ZNF664: variants seen among roughly 807,000 people sequenced by gnomAD.
ZNF664 encodes the protein zinc finger Organ of Corti 1.
A neutral mutation model predicts 18.2 loss-of-function variants in ZNF664; 10 were observed. The observed-to-expected ratio is 0.55, with a 90% CI of 0.34 to 0.93. The LOEUF is 0.93. ZNF664 is among the 40% of genes least tolerant of loss of function. The probability of loss-of-function intolerance (pLI) is 0.02; values close to 1 mark genes in which losing one functional copy is unlikely to be tolerated. For missense variants in ZNF664, 193 were observed against 319.0 expected, an observed-to-expected ratio of 0.61 and a Z score of 3.01; for synonymous variants, 119 against 104.2, an observed-to-expected ratio of 1.14 and a Z score of -0.86.
At chr12:123,997,895 T>C (rs1956968538) in intron 3 of ZNF664, 1 of 152,374 alleles carries the variant, frequency 6.6e-6, no homozygotes, top group East Asian at 1.9e-4. Context: ...TTTTTTGGGC[T>C]ACACTGGGAG....
chr12:123,978,321 C>A (rs1045905423), intron 2 of ZNF664, among the ~76,000 whole-genome samples: 3 of 152,046 alleles, frequency 2.0e-5, no homozygotes, highest in Non-Finnish European at 4.4e-5. Flanking sequence ...ATAGACAGTT[C>A]GCTGGATAGA....
At chr12:123,975,157 T>C (rs1318700978) in intron 2 of ZNF664, among the ~76,000 whole-genome samples, 1 of 152,154 alleles carries the variant, frequency 6.6e-6, no homozygotes, top group Non-Finnish European at 1.5e-5. Flanking sequence ...ATACAGTGCG[T>C]ATGTGTTGTG....
intron 3 of ZNF664, among the ~76,000 whole-genome samples, chr12:124,001,666 C>T (rs1957014158): frequency 6.6e-6 from 1 of 152,230 alleles, no homozygotes; most frequent in African/African-American, 2.4e-5. Context: ...CTGAGGTGCT[C>T]AGAGCACTGT....
At chr12:123,992,113 A>G (rs552760726) in intron 3 of ZNF664, among the ~76,000 whole-genome samples, 2 of 152,338 alleles carry the variant, frequency 1.3e-5, no homozygotes, top group South Asian at 4.1e-4. Context: ...TTGTGAGAGA[A>G]ATCAGGGAAC....
rs116296199 is a variant in ZNF664 at position 123,979,485 on chromosome 12, A to G, written c.-757+5465A>G. On this transcript the variant is annotated intron_variant, in intron 2 of 4. Transcript: ENST00000337815. Reference sequence around the variant, plus strand: ...TAGATGGCAATTTTGGCAGAATTTTATCAAAATAAAAGTACACGTTGATTT... The same window carrying G: ...TAGATGGCAATTTTGGCAGAATTTTGTCAAAATAAAAGTACACGTTGATTT... 8.8e-3 allele frequency among the ~76,000 whole-genome samples: 1,335 copies of G among 152,326 alleles called. 22 individuals carry two copies. The highest frequency in any genetic ancestry group is 0.031 in the African/African-American group (1,270 of 41,552).
intron 2 of ZNF664, among the ~76,000 whole-genome samples, chr12:123,978,921 G>A (rs1271083074): frequency 6.6e-6 from 1 of 152,160 alleles, no homozygotes; most frequent in Non-Finnish European, 1.5e-5. Flanking sequence ...ATAATTCAGT[G>A]TGTTGTATAG....
chr12:123,989,234 CT>C (rs1270627682), intron 3 of ZNF664: 3 of 152,736 alleles, frequency 2.0e-5, no homozygotes, highest in Non-Finnish European at 1.5e-5. Flanking sequence ...AAGGCTGGGG[CT>C]GCCCCTGAAC....
intron 1 of ZNF664, 183 bp from the exon 2 acceptor site, chr12:123,973,703 C>A: frequency 9.2e-7 from 1 of 1,081,096 alleles, no homozygotes; most frequent in Non-Finnish European, 1.2e-6. Flanking sequence ...GACTCCCGAG[C>A]CAGGCTCCAT....
At chr12:124,008,260 A>G (rs1302334833) in intron 3 of ZNF664, among the ~76,000 whole-genome samples, 3 of 152,202 alleles carry the variant, frequency 2.0e-5, no homozygotes, top group Non-Finnish European at 4.4e-5. Context: ...TTCCATTAAA[A>G]ATTAGCTCCA....
chr12:123,994,060 G>A (rs747216922), intron 3 of ZNF664, among the ~76,000 whole-genome samples: 4 of 152,140 alleles, frequency 2.6e-5, no homozygotes, highest in African/African-American at 4.8e-5. Context: ...GTAGTGTTTA[G>A]GTCTCAATCC....
At chr12:124,005,041 C>T (rs1957054825) in intron 3 of ZNF664, 1 of 153,390 alleles carries the variant, frequency 6.5e-6, no homozygotes, top group Non-Finnish European at 1.5e-5. Flanking sequence ...ACCATCACCC[C>T]TGCCCCCAGT....
chr12:123,974,201 C>G (rs1269045463), intron 2 of ZNF664, 181 bp downstream of exon 2: 7 of 419,952 alleles, frequency 1.7e-5, no homozygotes, highest in Non-Finnish European at 2.8e-5. Flanking sequence ...CTCTCATTTC[C>G]CCCAGAACTC....
intron 3 of ZNF664, among the ~76,000 whole-genome samples, chr12:124,002,216 T>C (rs977838480): frequency 1.3e-5 from 2 of 152,052 alleles, no homozygotes; most frequent in Non-Finnish European, 2.9e-5. Context: ...AGGGGGCTCA[T>C]GTGAAGGTAC....
chr12:123,981,075 GAAGC>G (rs888230347), intron 2 of ZNF664, among the ~76,000 whole-genome samples: 1 of 152,154 alleles, frequency 6.6e-6, no homozygotes, highest in Non-Finnish European at 1.5e-5. Context: ...GGATTAGAGG[GAAGC>G]AAGACTGGAG....
intron 1 of ZNF664, 98 bp from the exon 2 acceptor site, chr12:123,973,788 G>A: frequency 8.3e-7 from 1 of 1,209,478 alleles, no homozygotes; most frequent in Non-Finnish European, 1.0e-6. Flanking sequence ...AGCCCTTCCA[G>A]GCGGGTCCCG....
At chr12:123,977,462 CAAAA>C (rs58043898) in intron 2 of ZNF664, among the ~76,000 whole-genome samples, 6 of 94,166 alleles carry the variant, frequency 6.4e-5, no homozygotes, top group African/African-American at 1.8e-4. Flanking sequence ...CTAAAATGGC[CAAAA>C]AAAAAAAAAA....
intron 3 of ZNF664, among the ~76,000 whole-genome samples, chr12:123,990,759 T>C (rs920435836): frequency 1.3e-5 from 2 of 152,134 alleles, no homozygotes; most frequent in African/African-American, 2.4e-5. Context: ...GGGAGACAAA[T>C]CCAGTAGTCA....
intron 2 of ZNF664, among the ~76,000 whole-genome samples, chr12:123,986,536 G>T (rs1200215609): frequency 6.6e-6 from 1 of 152,158 alleles, no homozygotes; most frequent in Non-Finnish European, 1.5e-5. Context: ...TCATTTTGCG[G>T]ATCATAACCT....
chr12:124,008,832 T>A (rs898154591), intron 3 of ZNF664, among the ~76,000 whole-genome samples: 2 of 152,140 alleles, frequency 1.3e-5, no homozygotes, highest in Non-Finnish European at 1.5e-5. Context: ...GCCCTCTTGC[T>A]TTCTGGCATA....
Sources: gnomAD v4.1 joint callset for allele counts (sites outside exome capture counted in the v4.1 genomes callset) on GRCh38, gnomAD v4.1.1 for gene constraint, MANE v1.5 for transcripts, NCBI Gene and HGNC (gene_info 2026-07-23, HGNC 2026-07-21) for gene names.